Variants in APLF observed in about 807,000 individuals in gnomAD.
APLF encodes the protein aprataxin and PNKP like factor.
In APLF, 61 loss-of-function variants were observed where a neutral mutation model predicts 55.6. That is an observed-to-expected ratio of 1.10 (90% CI 0.89 to 1.36). APLF has a LOEUF of 1.36. Among genes scored for constraint, APLF ranks in the 40% most tolerant of loss-of-function variants. The probability of loss-of-function intolerance (pLI) is 0.00; values close to 1 mark genes in which losing one functional copy is unlikely to be tolerated. For missense variants in APLF, 611 were observed against 602.5 expected, an observed-to-expected ratio of 1.01 and a Z score of -0.15; for synonymous variants, 207 against 214.8, an observed-to-expected ratio of 0.96 and a Z score of 0.32.
intron 6 of APLF, among the ~76,000 whole-genome samples, chr2:68,527,232 C>T (rs559038188): frequency 6.1e-4 from 91 of 150,146 alleles, no homozygotes; most frequent in African/African-American, 2.0e-3. Context: ...CAGGCAGAGG[C>T]GCTTCTCATT....
intron 1 of APLF, among the ~76,000 whole-genome samples, chr2:68,468,825 C>T (rs72900054): frequency 0.082 from 12,536 of 152,160 alleles, 1,499 homozygotes; most frequent in African/African-American, 0.26. Flanking sequence ...ACCGGGGAGA[C>T]ACCTGTGTCA....
At chr2:68,560,865 C>T (rs552866433) in intron 8 of APLF, among the ~76,000 whole-genome samples, 2 of 152,190 alleles carry the variant, frequency 1.3e-5, no homozygotes, top group African/African-American at 4.8e-5. Context: ...TGCTCGTATT[C>T]CCCCAAAGAG....
At chr2:68,538,649 A>C (rs1670467987) in intron 7 of APLF, among the ~76,000 whole-genome samples, 1 of 152,178 alleles carries the variant, frequency 6.6e-6, no homozygotes, top group Admixed American at 6.5e-5. Flanking sequence ...GCTTTGAATC[A>C]TCATGGTACC....
At chr2:68,565,241 G>A (rs1044204707) in intron 8 of APLF, among the ~76,000 whole-genome samples, 2 of 152,018 alleles carry the variant, frequency 1.3e-5, no homozygotes, top group Admixed American at 1.3e-4. Flanking sequence ...GTTTTATCAA[G>A]TAATTTAAAT....
chr2:68,507,537 C>T (rs1676902440), intron 3 of APLF, among the ~76,000 whole-genome samples: 1 of 151,814 alleles, frequency 6.6e-6, no homozygotes, highest in East Asian at 1.9e-4. Flanking sequence ...GCCAGGAGTA[C>T]CAAAACTCAT....
At chr2:68,483,453 G>A (rs1676028293) in intron 1 of APLF, among the ~76,000 whole-genome samples, 1 of 152,142 alleles carries the variant, frequency 6.6e-6, no homozygotes, top group Non-Finnish European at 1.5e-5. Context: ...CAGGGATCTT[G>A]CCACTCTCTT....
intron 9 of APLF, among the ~76,000 whole-genome samples, chr2:68,570,172 G>A (rs1006200443): frequency 2.0e-5 from 3 of 151,356 alleles, no homozygotes; most frequent in Admixed American, 2.0e-4. Flanking sequence ...ATATATAATT[G>A]GTTTAAAATT....
At chr2:68,547,470 A>G (rs573130622) in intron 8 of APLF, among the ~76,000 whole-genome samples, 1 of 151,930 alleles carries the variant, frequency 6.6e-6, no homozygotes, top group Admixed American at 6.6e-5. Context: ...TATACTTTAT[A>G]GTTACTAAAG....
intron 1 of APLF, among the ~76,000 whole-genome samples, chr2:68,468,266 T>C (rs1675495869): frequency 6.6e-6 from 1 of 152,228 alleles, no homozygotes; most frequent in Admixed American, 6.5e-5. Flanking sequence ...TACAGAAAAG[T>C]TTGCCAAACT....
chr2:68,517,162 T>C (rs1250185219), intron 5 of APLF, among the ~76,000 whole-genome samples: 2 of 124,842 alleles, frequency 1.6e-5, no homozygotes, highest in East Asian at 2.3e-4. Context: ...TGATATATAA[T>C]ATATCAATAT....
chr2:68,555,867 A>G (rs1441372792), intron 8 of APLF, among the ~76,000 whole-genome samples: 2 of 152,238 alleles, frequency 1.3e-5, no homozygotes, highest in Non-Finnish European at 2.9e-5. Flanking sequence ...TACCCAGAGG[A>G]AATGAAGTCG....
chr2:68,564,461 G>A (rs1165522614), intron 8 of APLF, among the ~76,000 whole-genome samples: 2 of 152,042 alleles, frequency 1.3e-5, no homozygotes, highest in Non-Finnish European at 2.9e-5. Context: ...AGAGATTAGG[G>A]ATGAGTGTCA....
At chr2:68,541,567 A>C (rs1175318926) in intron 7 of APLF, among the ~76,000 whole-genome samples, 1 of 152,142 alleles carries the variant, frequency 6.6e-6, no homozygotes, top group Non-Finnish European at 1.5e-5. Flanking sequence ...ATTTTAAAAG[A>C]TAATACTACA....
chr2:68,490,345 A>G (rs1013060273), intron 2 of APLF, 84 bp downstream of exon 2: 5 of 1,113,296 alleles, frequency 4.5e-6, no homozygotes, highest in Non-Finnish European at 6.5e-6. Context: ...TTCTAAGGTT[A>G]TGGGAATAGG....
intron 2 of APLF, among the ~76,000 whole-genome samples, chr2:68,499,451 G>C (rs1308389639): frequency 6.6e-6 from 1 of 152,066 alleles, no homozygotes; most frequent in East Asian, 1.9e-4. Flanking sequence ...AAATCCACTG[G>C]GGTCTTGTTT....
intron 8 of APLF, among the ~76,000 whole-genome samples, chr2:68,550,531 C>T (rs555042496): frequency 6.6e-6 from 1 of 152,162 alleles, no homozygotes; most frequent in South Asian, 2.1e-4. Flanking sequence ...CACACCAACC[C>T]CATTTACATT....
intron 9 of APLF, among the ~76,000 whole-genome samples, chr2:68,569,481 G>T (rs957884183): frequency 6.6e-6 from 1 of 152,038 alleles, no homozygotes; most frequent in South Asian, 2.1e-4. Context: ...GTTAGCAAGT[G>T]GATCATTTTA....
intron 3 of APLF, among the ~76,000 whole-genome samples, chr2:68,507,323 C>G (rs1218123662): frequency 6.6e-6 from 1 of 151,906 alleles, no homozygotes; most frequent in Non-Finnish European, 1.5e-5. Flanking sequence ...GGGATCTGAA[C>G]CACAAACCAA....
intron 2 of APLF, among the ~76,000 whole-genome samples, chr2:68,494,978 A>G (rs531918856): frequency 1.3e-5 from 2 of 152,300 alleles, no homozygotes; most frequent in East Asian, 3.9e-4. Flanking sequence ...ACGAGAACTC[A>G]TGCACTATTT....
Sources: allele counts gnomAD v4.1 joint callset (sites outside exome capture counted in the v4.1 genomes callset), GRCh38; gene constraint gnomAD v4.1.1; transcripts MANE v1.5; gene names NCBI Gene and HGNC (gene_info 2026-07-23, HGNC 2026-07-21).